MYO3B: variants seen among roughly 807,000 people sequenced by gnomAD.
MYO3B encodes myosin-IIIb.
Under a neutral mutation model 174.6 loss-of-function variants are expected in MYO3B, and 156 were observed. The observed-to-expected ratio is 0.89, with a 90% CI of 0.78 to 1.02. The LOEUF (loss-of-function observed/expected upper bound fraction) is 1.02, where lower values mean the gene tolerates loss of function less well. MYO3B is among the 50% of genes least tolerant of loss of function. The pLI, the probability that MYO3B is intolerant of heterozygous loss-of-function variation, is 0.00. For synonymous variants in MYO3B, 563 were observed against 569.1 expected (o/e 0.99, Z 0.15); for missense variants, 1,632 against 1,639.4 (o/e 1.00, Z 0.08).
intron 32 of MYO3B, among the ~76,000 whole-genome samples, chr2:170,570,774 T>TA (rs1692388178): frequency 1.9e-5 from 1 of 53,708 alleles, no homozygotes. Flanking sequence ...CTTTATTTGA[T>TA]TTTTTTTTAG....
intron 32 of MYO3B, among the ~76,000 whole-genome samples, chr2:170,628,530 G>A (rs193225562): frequency 9.9e-5 from 15 of 152,252 alleles, no homozygotes; most frequent in South Asian, 2.1e-4. Flanking sequence ...TTTGGCTCAC[G>A]CTCAGTGCGC....
chr2:170,544,377 C>T (rs1690333115), intron 32 of MYO3B, among the ~76,000 whole-genome samples: 1 of 152,210 alleles, frequency 6.6e-6, no homozygotes, highest in Non-Finnish European at 1.5e-5. Context: ...GGCAACATGG[C>T]CATTCTTTGA....
chr2:170,358,303 C>T (rs1344811308), intron 8 of MYO3B, among the ~76,000 whole-genome samples: 3 of 151,840 alleles, frequency 2.0e-5, no homozygotes, highest in Admixed American at 6.6e-5. Flanking sequence ...TATGAATGAA[C>T]CTTGAAAACA....
At chr2:170,216,920 G>C (rs1244140495) in intron 5 of MYO3B, among the ~76,000 whole-genome samples, 1 of 151,844 alleles carries the variant, frequency 6.6e-6, no homozygotes, top group African/African-American at 2.4e-5. Context: ...TTTAAATAGA[G>C]TGATAAATGC....
chr2:170,275,138 T>A (rs2093455108), intron 7 of MYO3B, among the ~76,000 whole-genome samples: 1 of 152,360 alleles, frequency 6.6e-6, no homozygotes, highest in South Asian at 2.1e-4. Flanking sequence ...GCCTAACTAC[T>A]AACTATTTGA....
intron 32 of MYO3B, among the ~76,000 whole-genome samples, chr2:170,646,289 G>A (rs1698369553): frequency 6.6e-6 from 1 of 150,916 alleles, no homozygotes; most frequent in Non-Finnish European, 1.5e-5. Flanking sequence ...AAAAAAAAGT[G>A]TTATGTCTGT....
intron 7 of MYO3B, 119 bp downstream of exon 7, chr2:170,236,255 T>C (rs960363655): frequency 2.9e-6 from 4 of 1,358,150 alleles, no homozygotes; most frequent in Admixed American, 2.0e-5. Flanking sequence ...GATTGTGAAA[T>C]ATATTTTCTT....
At chr2:170,524,851 C>G (rs557802984) in intron 30 of MYO3B, among the ~76,000 whole-genome samples, 5 of 152,130 alleles carry the variant, frequency 3.3e-5, no homozygotes, top group African/African-American at 1.2e-4. Context: ...TTTACAATCT[C>G]TGACATTGAG....
At chr2:170,587,989 T>A (rs1693590497) in intron 32 of MYO3B, among the ~76,000 whole-genome samples, 1 of 152,188 alleles carries the variant, frequency 6.6e-6, no homozygotes, top group African/African-American at 2.4e-5. Context: ...GACTTATACA[T>A]ATGGAGGCCA....
chr2:170,497,651 C>A (rs1686964702), intron 25 of MYO3B, among the ~76,000 whole-genome samples: 1 of 151,336 alleles, frequency 6.6e-6, no homozygotes, highest in South Asian at 2.1e-4. Flanking sequence ...CTAATTGTTT[C>A]TTCAGGTTTT....
chr2:170,280,776 A>G (rs1169760798), intron 7 of MYO3B, among the ~76,000 whole-genome samples: 1 of 152,126 alleles, frequency 6.6e-6, no homozygotes, highest in Admixed American at 6.5e-5. Context: ...GTCAAAGATC[A>G]GATGGTCATA....
At chr2:170,259,459 A>G (rs1476424452) in intron 7 of MYO3B, among the ~76,000 whole-genome samples, 2 of 152,218 alleles carry the variant, frequency 1.3e-5, no homozygotes, top group Non-Finnish European at 2.9e-5. Flanking sequence ...CAATGGGGAA[A>G]GGACTCCCTT....
chr2:170,573,934 T>C (rs1482617788), intron 32 of MYO3B, among the ~76,000 whole-genome samples: 2 of 152,184 alleles, frequency 1.3e-5, no homozygotes, highest in Admixed American at 1.3e-4. Flanking sequence ...GCCTTGTTAT[T>C]ATTTCTTACT....
intron 32 of MYO3B, among the ~76,000 whole-genome samples, chr2:170,577,690 CT>C (rs1420581728): frequency 6.6e-6 from 1 of 152,140 alleles, no homozygotes; most frequent in Non-Finnish European, 1.5e-5. Flanking sequence ...TTACTGGGCA[CT>C]TTAAAATGAA....
At chr2:170,626,461 G>T (rs1232281450) in intron 32 of MYO3B, among the ~76,000 whole-genome samples, 1 of 151,972 alleles carries the variant, frequency 6.6e-6, no homozygotes, top group Non-Finnish European at 1.5e-5. Flanking sequence ...ACGTGAGATG[G>T]GTTTCCTGAA....
chr2:170,312,840 T>C (rs2093748991), intron 7 of MYO3B, among the ~76,000 whole-genome samples: 2 of 152,216 alleles, frequency 1.3e-5, no homozygotes, highest in African/African-American at 2.4e-5. Flanking sequence ...ATTGTTTGAA[T>C]TCTGGTTACA....
At chr2:170,601,678 T>G (rs1694518962) in intron 32 of MYO3B, 20 of 1,498,234 alleles carry the variant, frequency 1.3e-5, no homozygotes, top group Non-Finnish European at 3.7e-6. Context: ...CTCTTCCTTC[T>G]TTTTCTTGCT....
At chr2:170,341,771 A>G (rs945255967) in intron 8 of MYO3B, among the ~76,000 whole-genome samples, 1 of 152,228 alleles carries the variant, frequency 6.6e-6, no homozygotes. Context: ...TTTCATGAGA[A>G]GAACAAATAA....
Position 170,577,078 on chromosome 2 carries a change from C to G in MYO3B, c.3733+33090C>G, listed in dbSNP as rs151211877. Among the ~76,000 whole-genome samples the G allele has an allele frequency of 2.8e-3, 421 of 148,830 alleles. 6 individuals carry two copies. The highest frequency in any genetic ancestry group is 0.023 in the Admixed American group (334 of 14,646). On this transcript the variant is annotated intron_variant, in intron 32 of 34. Coordinates refer to ENST00000408978, the MANE Select transcript of MYO3B (RefSeq NM_138995.5). ...CATAAGGAAGCCAAATGCCAAGTGG[C>G]AGTGTCAGCCTCTAATTCAGTGGAA...
Sources: gnomAD v4.1 joint callset for allele counts (sites outside exome capture counted in the v4.1 genomes callset) on GRCh38, gnomAD v4.1.1 for gene constraint, MANE v1.5 for transcripts, NCBI Gene and HGNC (gene_info 2026-07-23, HGNC 2026-07-21) for gene names.